Variants in KLHL7 observed in about 807,000 individuals in gnomAD.
The protein encoded by KLHL7 is kelch-like protein 7.
A neutral mutation model predicts 67.4 loss-of-function variants in KLHL7; 44 were observed. That is an observed-to-expected ratio of 0.65 (90% confidence interval 0.51 to 0.84). KLHL7 has a LOEUF of 0.84. KLHL7 is among the 40% of genes least tolerant of loss of function. The pLI is 0.00. For synonymous variants in KLHL7, 252 were observed against 243.3 expected (o/e 1.04, Z -0.33); for missense variants, 362 against 718.1 (o/e 0.50, Z 5.67).
At chr7:23,154,041 A>T (rs1395827812) in intron 7 of KLHL7, among the ~76,000 whole-genome samples, 1 of 152,230 alleles carries the variant, frequency 6.6e-6, no homozygotes, top group East Asian at 1.9e-4. Context: ...GCAAATGGTC[A>T]TGGCTGTGTT....
chr7:23,144,173 A>G, intron 6 of KLHL7, 148 bp downstream of exon 6: 1 of 722,364 alleles, frequency 1.4e-6, no homozygotes, highest in Non-Finnish European at 2.4e-6. Flanking sequence ...GGGTTTCTGA[A>G]CTGTACACCT....
intron 4 of KLHL7, among the ~76,000 whole-genome samples, chr7:23,139,100 A>C (rs1013423893): frequency 6.6e-6 from 1 of 151,802 alleles, no homozygotes. Context: ...AAAAAAAAAA[A>C]AAAACAAGAA....
At chr7:23,159,397 C>T (rs1441320866) in intron 7 of KLHL7, among the ~76,000 whole-genome samples, 1 of 151,872 alleles carries the variant, frequency 6.6e-6, no homozygotes, top group African/African-American at 2.4e-5. Flanking sequence ...CTTGAACTCC[C>T]AGTCTAAAGC....
chr7:23,136,400 G>A (rs1431204285), intron 4 of KLHL7, among the ~76,000 whole-genome samples: 1 of 152,204 alleles, frequency 6.6e-6, no homozygotes, highest in East Asian at 1.9e-4. Context: ...AATGTTGCTG[G>A]TTTACACAGA....
At chr7:23,123,700 C>T in intron 1 of KLHL7, 77 bp from the exon 2 acceptor site, 1 of 905,552 alleles carries the variant, frequency 1.1e-6, no homozygotes, top group Non-Finnish European at 1.8e-6. Context: ...AAGCATTTGG[C>T]AAGCACCTTT....
chr7:23,106,414 T>C, intron 1 of KLHL7: 2 of 1,304,006 alleles, frequency 1.5e-6, no homozygotes, highest in Non-Finnish European at 2.0e-6. Flanking sequence ...CGCCGTCGGG[T>C]ATCGGTTGTG....
At chr7:23,159,064 A>G (rs1784785236) in intron 7 of KLHL7, among the ~76,000 whole-genome samples, 1 of 152,216 alleles carries the variant, frequency 6.6e-6, no homozygotes, top group Non-Finnish European at 1.5e-5. Context: ...AAAGTATTGT[A>G]TAACTGAATG....
At chr7:23,127,169 C>T (rs568574287) in intron 4 of KLHL7, among the ~76,000 whole-genome samples, 5 of 152,242 alleles carry the variant, frequency 3.3e-5, no homozygotes, top group African/African-American at 1.2e-4. Flanking sequence ...TAAATTTCCT[C>T]CTGGGGTGAT....
In KLHL7 at chr7:23,165,875, C is replaced by G. The variant is rs769053076; in HGVS notation, c.1114C>G (p.Arg372Gly). The change falls in exon 8 of 11, where the codon CGA becomes GGA. Residue 372 changes from arginine to glycine, a missense_variant. By Grantham distance (125) the Arg-to-Gly change is moderately radical (BLOSUM62 -2). This residue lies in a region of KLHL7 where 12 missense variants were observed against 81.8 expected (regional missense o/e 0.15). Coordinates refer to ENST00000339077, the MANE Select transcript of KLHL7 (RefSeq NM_001031710.3). ...WYSKLGPPTP[R>G]DSLAACAAEG... The stretch of plus-strand genomic sequence containing the variant: ...TTCGAAACTGGGTCCTCCGACACCT[C>G]GAGACAGCCTTGCTGCATGTGCTGC... The G allele has an allele frequency of 6.2e-7, 1 of 1,614,094 alleles. No individual in the cohort carries two copies.
At chr7:23,114,690 G>C (rs1207032966) in intron 1 of KLHL7, among the ~76,000 whole-genome samples, 3 of 152,148 alleles carry the variant, frequency 2.0e-5, no homozygotes, top group African/African-American at 7.2e-5. Flanking sequence ...CCGAATACCA[G>C]CTTAAGAGGT....
chr7:23,136,915 C>T (rs928249052), intron 4 of KLHL7, among the ~76,000 whole-genome samples: 1 of 151,982 alleles, frequency 6.6e-6, no homozygotes, highest in South Asian at 2.1e-4. Flanking sequence ...TATTTTTATT[C>T]TTTCTTGACT....
chr7:23,143,193 T>TAC (rs1437958414), intron 5 of KLHL7, among the ~76,000 whole-genome samples: 2 of 152,196 alleles, frequency 1.3e-5, no homozygotes, highest in African/African-American at 2.4e-5. Context: ...GATGTGTGTG[T>TAC]ATATGAAGCA....
chr7:23,126,031 A>G lies in KLHL7; in HGVS notation c.442+859A>G, dbSNP rs373927111. 31 of 698,358 alleles carry G rather than the reference A, an allele frequency of 4.4e-5. No individual in the cohort carries two copies. The African/African-American group carries it at 5.3e-4, about 12-fold the overall frequency. The allele number at this position is 698,358 out of a possible 1,614,324, so 43.3% of individuals were successfully genotyped here. ...AAAGATTAACAACAATAATAATAAA[A>G]TAGAACAACTTTAACAATATGCTAG... On this transcript the variant is annotated intron_variant, in intron 4 of 10. Coordinates refer to ENST00000339077, the MANE Select transcript of KLHL7 (RefSeq NM_001031710.3).
intron 1 of KLHL7, chr7:23,106,562 C>T (rs1782649151): frequency 1.3e-5 from 14 of 1,056,898 alleles, no homozygotes; most frequent in Non-Finnish European, 1.5e-5. Flanking sequence ...AGGAGAGTTG[C>T]TGGCCTGACA....
chr7:23,141,144 T>C (rs1434889541), intron 5 of KLHL7, among the ~76,000 whole-genome samples, 200 bp downstream of exon 5: 1 of 152,184 alleles, frequency 6.6e-6, no homozygotes, highest in Non-Finnish European at 1.5e-5. Flanking sequence ...ATAAAGCCAT[T>C]GGGTACCATG....
chr7:23,124,731 T>A lies in KLHL7; in HGVS notation c.267T>A (p.Asp89Glu). The change falls in exon 3 of 11, where the codon GAT (aspartate) becomes GAA (glutamate). Residue 89 changes from aspartate to glutamate, a missense_variant. Physicochemically the swap from Asp to Glu is conservative, Grantham distance 45. Coordinates refer to ENST00000339077, the MANE Select transcript of KLHL7 (RefSeq NM_001031710.3). ...ESKSFEVELK[D>E]AEPDIIEQLV... ...AGTCCTTTGAAGTAGAACTCAAAGA[T>A]GCTGAACCTGATATTATTGAACAAC... 1 of 1,612,632 alleles carries A rather than the reference T, an allele frequency of 6.2e-7. No homozygotes were observed. Among genetic ancestry groups the A allele is most frequent in the South Asian group, 1.1e-5 (1 of 91,048 alleles).
At chr7:23,171,213 A>G (rs1451580140) in intron 9 of KLHL7, 1 of 320,152 alleles carries the variant, frequency 3.1e-6, no homozygotes, top group Non-Finnish European at 6.4e-6. Context: ...ATTAAACTTC[A>G]GATTGCAGAT....
intron 7 of KLHL7, among the ~76,000 whole-genome samples, chr7:23,163,714 T>C (rs1621012): frequency 0.075 from 11,458 of 152,162 alleles, 603 homozygotes; most frequent in African/African-American, 0.14. Context: ...AATAGGACTT[T>C]ATACATGGAT....
At chr7:23,171,721 GT>G (rs1785168009) in intron 9 of KLHL7, among the ~76,000 whole-genome samples, 1 of 152,086 alleles carries the variant, frequency 6.6e-6, no homozygotes, top group Non-Finnish European at 1.5e-5. Flanking sequence ...ATTGTTTTTT[GT>G]TTTTTGAGAC....
Sources: allele counts gnomAD v4.1 joint callset (sites outside exome capture counted in the v4.1 genomes callset), GRCh38; gene constraint gnomAD v4.1.1; regional missense constraint gnomAD v4.1.1; transcripts MANE v1.5; gene names NCBI Gene and HGNC (gene_info 2026-07-23, HGNC 2026-07-21).